Variants in KATNAL1 observed in about 807,000 individuals in gnomAD.
The protein encoded by KATNAL1 is katanin p60 ATPase-containing subunit A-like 1.
Under a neutral mutation model 55.2 loss-of-function variants are expected in KATNAL1, and 32 were observed. That is an observed-to-expected ratio of 0.58 (90% CI 0.44 to 0.78). KATNAL1 has a LOEUF of 0.78. KATNAL1 is among the 30% of genes least tolerant of loss of function. The pLI is 0.00. For synonymous variants in KATNAL1, 193 were observed against 193.6 expected, an observed-to-expected ratio of 1.00 and a Z score of 0.02; for missense variants, 466 against 600.9, an observed-to-expected ratio of 0.78 and a Z score of 2.35.
intron 3 of KATNAL1, among the ~76,000 whole-genome samples, chr13:30,261,548 A>C (rs548254047): frequency 1.3e-5 from 2 of 152,278 alleles, no homozygotes; most frequent in East Asian, 3.9e-4. Context: ...GAAAACAAAA[A>C]TAGGCAGGGG....
chr13:30,287,065 AG>A (rs1453200524), intron 1 of KATNAL1, among the ~76,000 whole-genome samples: 1 of 152,186 alleles, frequency 6.6e-6, no homozygotes, highest in Non-Finnish European at 1.5e-5. Flanking sequence ...GCAGGCTCAT[AG>A]GTGGAAGGAA....
intron 4 of KATNAL1, among the ~76,000 whole-genome samples, chr13:30,254,258 T>C (rs888888653): frequency 3.9e-5 from 6 of 152,224 alleles, no homozygotes; most frequent in African/African-American, 1.4e-4. Flanking sequence ...CAAGTATCCA[T>C]TTATGTGGCT....
intron 4 of KATNAL1, among the ~76,000 whole-genome samples, chr13:30,252,748 T>G (rs1041412935): frequency 6.8e-6 from 1 of 147,594 alleles, no homozygotes; most frequent in African/African-American, 2.5e-5. Flanking sequence ...TTTCCTTTCT[T>G]TTTTTTTTTT....
Position 30,204,201 on chromosome 13 carries a change from T to C in KATNAL1, c.*4339A>G, listed in dbSNP as rs937694980. 3 of 152,202 alleles carry C rather than the reference T, an allele frequency of 2.0e-5. No individual in the cohort carries two copies. The highest frequency in any genetic ancestry group is 1.3e-4 in the Admixed American group (2 of 15,280). 9.4% of individuals were successfully genotyped at this position (152,202 alleles called of 1,614,324 possible). A position where few individuals can be genotyped will look rare whatever the true frequency, so the allele number is the denominator to read the frequency against. ...GAGAATAGTTAGGATTTTTTCCTCA[T>C]ACAAGTTAAGGTGGCCTTTTCTTGG... On this transcript the variant is annotated 3_prime_UTR_variant, in exon 11 of 11. Transcript: ENST00000380615.
Position 30,204,732 on chromosome 13 carries a change from G to C in KATNAL1, c.*3808C>G, listed in dbSNP as rs1172841033. ...GGTTTGCTTACTTTTTGAGTAATTC[G>C]TGCTTTCAGCCTATGTTTTGAGAGT... is the stretch of plus-strand genomic sequence containing the variant. On this transcript the variant is annotated 3_prime_UTR_variant, in exon 11 of 11. Coordinates refer to ENST00000380615, the MANE Select transcript of KATNAL1 (RefSeq NM_032116.5). The C allele has an allele frequency of 6.6e-6, 1 of 152,110 alleles. No homozygotes were observed. Among genetic ancestry groups the C allele is most frequent in the East Asian group, 1.9e-4 (1 of 5,198 alleles). The allele number at this position is 152,110 out of a possible 1,614,324, so 9.4% of individuals were successfully genotyped here.
intron 4 of KATNAL1, among the ~76,000 whole-genome samples, chr13:30,254,470 A>C (rs543341357): frequency 6.6e-6 from 1 of 152,264 alleles, no homozygotes; most frequent in East Asian, 1.9e-4. Context: ...CTATCTCATA[A>C]ATAGAAATAT....
chr13:30,299,877 T>C (rs1882752646), intron 1 of KATNAL1, among the ~76,000 whole-genome samples: 1 of 152,170 alleles, frequency 6.6e-6, no homozygotes, highest in South Asian at 2.1e-4. Flanking sequence ...TAATTATTTT[T>C]GTAACTGTTT....
At chr13:30,253,792 C>T (rs1311142412) in intron 4 of KATNAL1, among the ~76,000 whole-genome samples, 2 of 152,036 alleles carry the variant, frequency 1.3e-5, no homozygotes, top group Non-Finnish European at 2.9e-5. Flanking sequence ...AAATCCAATC[C>T]AGACTTTTCA....
chr13:30,270,572 T>C (rs958549850), intron 3 of KATNAL1, among the ~76,000 whole-genome samples: 4 of 152,110 alleles, frequency 2.6e-5, no homozygotes, highest in African/African-American at 9.7e-5. Flanking sequence ...TTTTGCTCTG[T>C]ACTAAGAAAA....
chr13:30,273,067 G>T (rs1052852664), intron 3 of KATNAL1, among the ~76,000 whole-genome samples: 6 of 152,104 alleles, frequency 3.9e-5, no homozygotes, highest in African/African-American at 1.4e-4. Context: ...TCACCTCAAG[G>T]GCATTGCTCC....
chr13:30,217,260 G>A lies in KATNAL1; in HGVS notation c.1148-6818C>T, dbSNP rs187249369. Among the ~76,000 whole-genome samples, 12 of 152,172 alleles carry A rather than the reference G, an allele frequency of 7.9e-5. No individual in the cohort carries two copies. The East Asian group carries it at 2.1e-3, about 27-fold the overall frequency. ...GAGGTCAGGAGATCGAGACCATCCCGGCTAACACGGTGAAACCCTGTGTCT... is the reference window on the plus strand; with the variant it reads ...GAGGTCAGGAGATCGAGACCATCCCAGCTAACACGGTGAAACCCTGTGTCT... On this transcript the variant is annotated intron_variant, in intron 9 of 10. Transcript: ENST00000380615.
chr13:30,272,907 C>G (rs1427779895), intron 3 of KATNAL1, among the ~76,000 whole-genome samples: 1 of 152,202 alleles, frequency 6.6e-6, no homozygotes, highest in African/African-American at 2.4e-5. Flanking sequence ...ACATTTTTCT[C>G]CTTGCTGAAA....
intron 3 of KATNAL1, among the ~76,000 whole-genome samples, chr13:30,258,195 C>A (rs1437963168): frequency 6.6e-6 from 1 of 152,220 alleles, no homozygotes; most frequent in Non-Finnish European, 1.5e-5. Flanking sequence ...ACAAAAATAT[C>A]TGTGCTGTGT....
At chr13:30,270,094 C>A (rs1431734707) in intron 3 of KATNAL1, among the ~76,000 whole-genome samples, 2 of 134,586 alleles carry the variant, frequency 1.5e-5, no homozygotes, top group Non-Finnish European at 3.4e-5. Context: ...GCCCCCCGCC[C>A]GGCCAGCCGC....
intron 9 of KATNAL1, among the ~76,000 whole-genome samples, chr13:30,221,902 T>G (rs191517947): frequency 1.5e-4 from 23 of 152,136 alleles, no homozygotes; most frequent in African/African-American, 5.1e-4. Flanking sequence ...AAGTATAAAA[T>G]TAGCCAGGTG....
intron 9 of KATNAL1, among the ~76,000 whole-genome samples, chr13:30,217,511 T>C (rs904011824): frequency 6.6e-6 from 1 of 152,238 alleles, no homozygotes; most frequent in East Asian, 1.9e-4. Flanking sequence ...AAGGGATTAA[T>C]GTGTTGTTAA....
intron 1 of KATNAL1, among the ~76,000 whole-genome samples, chr13:30,295,640 T>C (rs1882432574): frequency 6.6e-6 from 1 of 151,966 alleles, no homozygotes; most frequent in Admixed American, 6.6e-5. Flanking sequence ...GAGTTGTTTC[T>C]TATGCATGAG....
chr13:30,246,928 C>G (rs1425448647), intron 4 of KATNAL1, among the ~76,000 whole-genome samples: 1 of 152,152 alleles, frequency 6.6e-6, no homozygotes, highest in Non-Finnish European at 1.5e-5. Flanking sequence ...TAGTTCCCCA[C>G]TTTCATGTTA....
chr13:30,225,292 G>C (rs1875342610), intron 9 of KATNAL1, among the ~76,000 whole-genome samples: 1 of 151,978 alleles, frequency 6.6e-6, no homozygotes, highest in Non-Finnish European at 1.5e-5. Flanking sequence ...TCAAGTTCCA[G>C]AACCAGACAT....
Sources: gnomAD v4.1 joint callset for allele counts (sites outside exome capture counted in the v4.1 genomes callset) on GRCh38, gnomAD v4.1.1 for gene constraint, MANE v1.5 for transcripts, NCBI Gene and HGNC (gene_info 2026-07-23, HGNC 2026-07-21) for gene names.